Variants in MRPL32 observed in about 807,000 individuals in gnomAD.
MRPL32 encodes the protein mitochondrial ribosomal protein L32.
Under a neutral mutation model 21.7 loss-of-function variants are expected in MRPL32, and 14 were observed. That is an observed-to-expected ratio of 0.64 (90% CI 0.43 to 1.01). The LOEUF (loss-of-function observed/expected upper bound fraction) is 1.01, where lower values mean the gene tolerates loss of function less well. MRPL32 is among the 50% of genes least tolerant of loss of function. MRPL32 has a pLI of 0.00. For missense variants in MRPL32, 211 were observed against 235.9 expected (o/e 0.89, Z 0.69); for synonymous variants, 83 against 87.7 (o/e 0.95, Z 0.30).
At chr7:42,934,681 TG>T (rs1451703627) in intron 1 of MRPL32, among the ~76,000 whole-genome samples, 1 of 152,224 alleles carries the variant, frequency 6.6e-6, no homozygotes, top group Non-Finnish European at 1.5e-5. Flanking sequence ...ATCAGAGTCC[TG>T]TATTTTATGA....
intron 2 of MRPL32, chr7:42,936,161 A>G (rs1786418641): frequency 6.6e-6 from 1 of 152,222 alleles, no homozygotes; most frequent in African/African-American, 2.4e-5. Flanking sequence ...CTTAAGACTT[A>G]CAGTAATTCA....
At chr7:42,932,624 C>T in intron 1 of MRPL32, 108 bp downstream of exon 1, 1 of 1,264,126 alleles carries the variant, frequency 7.9e-7, no homozygotes, top group Non-Finnish European at 1.0e-6. Flanking sequence ...TGATCCGCGG[C>T]CTCATGTCGG....
chr7:42,933,972 C>A lies in MRPL32; in HGVS notation c.131-983C>A, dbSNP rs193287579. 6.5e-3 allele frequency among the ~76,000 whole-genome samples: 996 copies of A among 152,166 alleles called. 11 individuals are homozygous for A. Among genetic ancestry groups the A allele is most frequent in the Non-Finnish European group, 0.01 (692 of 67,988 alleles). The stretch of plus-strand genomic sequence containing the variant: ...GTGTATTTTTAAGAGTTCTTAAGAT[C>A]AAAAGAAGTATGTGGGCTGGGCGCG... On this transcript the variant is annotated intron_variant, in intron 1 of 2. Transcript: ENST00000223324.
intron 1 of MRPL32, among the ~76,000 whole-genome samples, chr7:42,932,916 T>TA (rs749469211): frequency 1.3e-4 from 19 of 151,880 alleles, no homozygotes; most frequent in Non-Finnish European, 2.6e-4. Flanking sequence ...GGCGGGAGTG[T>TA]AGGGGCTCTG....
At chr7:42,934,603 C>G (rs1234822421) in intron 1 of MRPL32, among the ~76,000 whole-genome samples, 1 of 152,154 alleles carries the variant, frequency 6.6e-6, no homozygotes, top group Admixed American at 6.5e-5. Context: ...TACTTACTAC[C>G]CGCCAAGTAT....
chr7:42,937,337 T>C lies in MRPL32; in HGVS notation c.328T>C (p.Cys110Arg), dbSNP rs1338197188. The part of the protein sequence containing the change: ...LIKVKNNIDV[C>R]PECGHLKQKH... ...TGTTTTAAAGAACAACATAGACGTT[T>C]GTCCTGAATGTGGTCACCTGAAACA... Residue 110 changes from cysteine to arginine, a missense_variant, in exon 3 of 3, where the codon TGT (cysteine) becomes CGT (arginine). Coordinates refer to ENST00000223324, the MANE Select transcript of MRPL32 (RefSeq NM_031903.3). 21 of 1,614,116 alleles carry C rather than the reference T, an allele frequency of 1.3e-5. No individual in the cohort carries two copies. Among genetic ancestry groups the C allele is most frequent in the African/African-American group, 2.7e-5 (2 of 74,942 alleles).
Position 42,932,460 on chromosome 7 carries a change from A to G in MRPL32, c.74A>G (p.Glu25Gly), listed in dbSNP as rs1484506013. ...AARGVLRNYWERLLRKLPQSR... is the reference protein window; with the variant it reads ...AARGVLRNYWGRLLRKLPQSR... ...CGGGGAGTGCTTCGAAACTACTGGG[A>G]GCGACTGCTACGGAAGCTTCCGCAG... Residue 25 changes from glutamate (E) to glycine (G), a missense_variant, in exon 1 of 3, where the codon GAG becomes GGG. This residue lies in a region of MRPL32 where 81 missense variants were observed against 55.8 expected (regional missense o/e 1.45). Coordinates refer to ENST00000223324, the MANE Select transcript of MRPL32 (RefSeq NM_031903.3). The G allele has an allele frequency of 3.1e-6, 5 of 1,611,960 alleles. No homozygotes were observed. The highest frequency in any genetic ancestry group is 2.2e-5 in the South Asian group (2 of 91,022).
Position 42,935,005 on chromosome 7 carries a change from G to A in MRPL32, c.181G>A (p.Asp61Asn). The stretch of plus-strand genomic sequence containing the variant: ...AGCCATGTTTACAGAGCCAGCAAAT[G>A]ATACCAGTGGAAGTAAAGAGAATTC... The part of the protein sequence containing the change: ...GPAMFTEPAN[D>N]TSGSKENSSL... The change falls in exon 2 of 3, where the codon GAT (aspartate) becomes AAT (asparagine). Residue 61 changes from aspartate (D) to asparagine (N), a missense_variant. Coordinates refer to ENST00000223324, the MANE Select transcript of MRPL32 (RefSeq NM_031903.3). 1 of 1,613,966 alleles carries A rather than the reference G, an allele frequency of 6.2e-7. No individual in the cohort carries two copies. The highest frequency in any genetic ancestry group is 1.3e-5 in the African/African-American group (1 of 75,032).
At chr7:42,937,094 C>A (rs1786437619) in intron 2 of MRPL32, 1 of 998,272 alleles carries the variant, frequency 1.0e-6, no homozygotes, top group Admixed American at 2.1e-5. Context: ...AGTAAAGATA[C>A]CAGATTCAGG....
intron 2 of MRPL32, chr7:42,936,676 CTA>C: frequency 7.5e-6 from 1 of 133,324 alleles, no homozygotes; most frequent in South Asian, 2.4e-4. Flanking sequence ...ATATATATAT[CTA>C]TATCTATCTC....
At chr7:42,935,577 A>G (rs1187284038) in intron 2 of MRPL32, 1 of 153,452 alleles carries the variant, frequency 6.5e-6, no homozygotes, top group Admixed American at 6.5e-5. Flanking sequence ...TTCCAACAAA[A>G]TACCATGAAG....
At chr7:42,935,739 A>G (rs927825647) in intron 2 of MRPL32, 5 of 152,200 alleles carry the variant, frequency 3.3e-5, no homozygotes, top group African/African-American at 1.2e-4. Context: ...AACTGAGGCA[A>G]AAAGAATTTG....
At chr7:42,932,960 T>C (rs1435888332) in intron 1 of MRPL32, among the ~76,000 whole-genome samples, 1 of 152,020 alleles carries the variant, frequency 6.6e-6, no homozygotes, top group Non-Finnish European at 1.5e-5. Flanking sequence ...GTGAAGTCAG[T>C]GCAAATGTGA....
chr7:42,933,744 C>T (rs1352964515), intron 1 of MRPL32, among the ~76,000 whole-genome samples: 2 of 152,128 alleles, frequency 1.3e-5, no homozygotes, highest in African/African-American at 2.4e-5. Context: ...AGCAATGTGC[C>T]AAGCTTTCTA....
intron 1 of MRPL32, among the ~76,000 whole-genome samples, chr7:42,933,471 C>G (rs1410690567): frequency 6.6e-6 from 1 of 151,516 alleles, no homozygotes; most frequent in African/African-American, 2.4e-5. Context: ...TCCCCTCTCC[C>G]CCCTCTCCTC....
chr7:42,932,399 A>C lies in MRPL32; in HGVS notation c.13A>C (p.Met5Leu), dbSNP rs111980169. The C allele has an allele frequency of 1.9e-6, 3 of 1,606,374 alleles. No individual in the cohort carries two copies. Among genetic ancestry groups the C allele is most frequent in the Non-Finnish European group, 2.6e-6 (3 of 1,175,236 alleles). Residue 5 changes from methionine to leucine, a missense_variant, in exon 1 of 3, where the codon ATG (methionine) becomes CTG (leucine). Physicochemically the swap from Met to Leu is conservative, Grantham distance 15. This residue lies in a region of MRPL32 where 81 missense variants were observed against 55.8 expected (regional missense o/e 1.45). Transcript: ENST00000223324. MALA[M>L]LVLVVSPWSA... The stretch of plus-strand genomic sequence containing the variant: ...TCCAGCAGGGAAAATGGCGCTGGCC[A>C]TGCTGGTCTTGGTGGTTTCGCCGTG...
At chr7:42,936,322 A>G (rs1213665896) in intron 2 of MRPL32, 2 of 152,158 alleles carry the variant, frequency 1.3e-5, no homozygotes, top group South Asian at 2.1e-4. Flanking sequence ...CATACGGTAT[A>G]TAGTGTGTTA....
chr7:42,933,188 T>C (rs1039403714), intron 1 of MRPL32, among the ~76,000 whole-genome samples: 5 of 152,136 alleles, frequency 3.3e-5, no homozygotes, highest in African/African-American at 1.2e-4. Context: ...CGGGACCTAC[T>C]ATCGGGGTAT....
intron 2 of MRPL32, chr7:42,936,183 A>C (rs1334222669): frequency 6.6e-6 from 1 of 152,244 alleles, no homozygotes; most frequent in Non-Finnish European, 1.5e-5. Flanking sequence ...AAATTTGCTC[A>C]AGAGGACGTA....
Sources: gnomAD v4.1 joint callset for allele counts (sites outside exome capture counted in the v4.1 genomes callset) on GRCh38, gnomAD v4.1.1 for gene constraint, gnomAD v4.1.1 regional missense constraint, MANE v1.5 for transcripts, NCBI Gene and HGNC (gene_info 2026-07-23, HGNC 2026-07-21) for gene names.